FNBP1: variants seen among roughly 807,000 people sequenced by gnomAD.
FNBP1 encodes the protein formin binding protein 1.
In FNBP1, 26 loss-of-function variants were observed where a neutral mutation model predicts 90.6. That is an observed-to-expected ratio of 0.29 (90% CI 0.21 to 0.40). The LOEUF (loss-of-function observed/expected upper bound fraction) is 0.40. Among genes scored for constraint, FNBP1 ranks in the 10% least tolerant of loss-of-function variants. The pLI is 1.00. For missense variants in FNBP1, 635 were observed against 768.0 expected, an observed-to-expected ratio of 0.83 and a Z score of 2.05; for synonymous variants, 260 against 265.2, an observed-to-expected ratio of 0.98 and a Z score of 0.19.
intron 13 of FNBP1, among the ~76,000 whole-genome samples, 163 bp downstream of exon 13, chr9:129,902,706 C>T (rs1379466472): frequency 5.9e-5 from 9 of 152,156 alleles, no homozygotes; most frequent in South Asian, 2.1e-4. Flanking sequence ...GAATGTTCAA[C>T]GGCGAAGAGT....
chr9:130,044,332 G>A (rs571618371), upstream of FNBP1, among the ~76,000 whole-genome samples: 1 of 152,292 alleles, frequency 6.6e-6, no homozygotes, highest in South Asian at 2.1e-4. Context: ...TCCATTAAAA[G>A]GTGGAGCTAA....
At chr9:129,936,301 T>C (rs2043451604) in intron 6 of FNBP1, 1 of 152,140 alleles carries the variant, frequency 6.6e-6, no homozygotes, top group South Asian at 2.1e-4. Context: ...TCAATCTAGA[T>C]TTTATTCCCT....
At chr9:129,911,077 G>A (rs1054178165) in intron 11 of FNBP1, among the ~76,000 whole-genome samples, 4 of 152,166 alleles carry the variant, frequency 2.6e-5, no homozygotes, top group African/African-American at 9.6e-5. Flanking sequence ...GGTCAGGCTG[G>A]TCTCGAACTC....
chr9:129,964,300 T>G (rs866311729), intron 4 of FNBP1, among the ~76,000 whole-genome samples: 26 of 152,136 alleles, frequency 1.7e-4, no homozygotes, highest in Admixed American at 2.0e-4. Flanking sequence ...AGCCATAGAA[T>G]GAAGTCATCA....
chr9:130,034,622 C>A (rs1429479799), intron 1 of FNBP1, among the ~76,000 whole-genome samples: 1 of 152,224 alleles, frequency 6.6e-6, no homozygotes, highest in African/African-American at 2.4e-5. Flanking sequence ...GAAACAATAA[C>A]TGGCTTTGAA....
At chr9:129,982,533 A>C (rs546373270) in intron 2 of FNBP1, among the ~76,000 whole-genome samples, 80 of 152,348 alleles carry the variant, frequency 5.3e-4, no homozygotes, top group African/African-American at 1.9e-3. Flanking sequence ...AGATGACTAC[A>C]TAATCAATGG....
At position 130,026,001 on chromosome 9, in the gene FNBP1, T is replaced by C. The variant is rs548599679; in HGVS notation, c.24+16951A>G. Among the ~76,000 whole-genome samples the C allele has an allele frequency of 9.2e-5, 14 of 152,236 alleles. No individual in the cohort carries two copies. The South Asian group carries it at 2.9e-3, about 32-fold the overall frequency. On this transcript the variant is annotated intron_variant, in intron 1 of 16. Transcript: ENST00000446176. Reference sequence around the variant, plus strand: ...GGAGGTGGATAATGATAGCCAACACTAGTAGAGTTTATTTCGCATATAATC... The same window carrying C: ...GGAGGTGGATAATGATAGCCAACACCAGTAGAGTTTATTTCGCATATAATC...
intron 6 of FNBP1, among the ~76,000 whole-genome samples, chr9:129,944,242 C>T (rs1161187309): frequency 2.6e-5 from 4 of 151,748 alleles, no homozygotes; most frequent in Non-Finnish European, 4.4e-5. Context: ...GCCCAGAATG[C>T]CTAGAATGTT....
rs2132468787 is a variant in FNBP1, at chr9:130,042,426, C to T, written c.24+526G>A. 6.6e-6 allele frequency among the ~76,000 whole-genome samples: 1 copy of T among 152,214 alleles called. No homozygotes were observed. Among genetic ancestry groups the T allele is most frequent in the African/African-American group, 2.4e-5 (1 of 41,566 alleles). On this transcript the variant is annotated intron_variant, in intron 1 of 16. Coordinates refer to ENST00000446176, the MANE Select transcript of FNBP1 (RefSeq NM_015033.3). This position sits in a 1 kb window ranked among gnomAD's most constrained non-coding sequence, Gnocchi z 5.5. ...CCTCGCCTCCAGAGCGAAGACCGCA[C>T]TCTCGCCCCAGCACCCCAAAACCCG...
chr9:129,984,892 TC>T (rs1333286152), intron 2 of FNBP1, among the ~76,000 whole-genome samples: 6 of 152,056 alleles, frequency 3.9e-5, no homozygotes, highest in African/African-American at 1.4e-4. Flanking sequence ...TTCTGAGGCC[TC>T]CCCAGCCATG....
chr9:129,958,985 C>CTAAAAAAAAAAAAAAAAAA (rs2047365015), intron 4 of FNBP1, among the ~76,000 whole-genome samples: 1 of 9,154 alleles, frequency 1.1e-4, no homozygotes, highest in Non-Finnish European at 1.9e-4. Flanking sequence ...AACTCTGCCT[C>CTAAAAAAAAAAAAAAAAAA]AAAAAAAAAA....
intron 4 of FNBP1, among the ~76,000 whole-genome samples, chr9:129,960,293 C>T (rs776505328): frequency 6.8e-6 from 1 of 146,832 alleles, no homozygotes; most frequent in Non-Finnish European, 1.5e-5. Flanking sequence ...AGGATAATTG[C>T]TTAAAACCTA....
intron 5 of FNBP1, 70 bp downstream of exon 5, chr9:129,958,421 G>T: frequency 3.3e-6 from 4 of 1,196,078 alleles, no homozygotes; most frequent in Non-Finnish European, 3.5e-6. Context: ...AACAGAGGGA[G>T]CCTCCGTCTC....
chr9:129,979,960 T>C (rs958807340), intron 2 of FNBP1, among the ~76,000 whole-genome samples: 1 of 152,022 alleles, frequency 6.6e-6, no homozygotes, highest in Non-Finnish European at 1.5e-5. Flanking sequence ...GGCTTTCATT[T>C]GTAGCACTGA....
intron 4 of FNBP1, 116 bp downstream of exon 4, chr9:129,978,349 G>T: frequency 1.1e-6 from 1 of 872,616 alleles, no homozygotes; most frequent in Non-Finnish European, 1.7e-6. Context: ...GATTCTCAAA[G>T]GTATGAGTTT....
In FNBP1 at chr9:129,900,697, T is replaced by C. The variant is rs941595170; in HGVS notation, c.1429-150A>G. On this transcript the variant is annotated intron_variant, in intron 13 of 16. Coordinates refer to ENST00000446176, the MANE Select transcript of FNBP1 (RefSeq NM_015033.3). The surrounding 1 kb of genome is among the most constrained non-coding windows in gnomAD (Gnocchi z 4.1). ...CTACTCTTGGCCATTTAACCCAATG[T>C]GAGGAAGTCCACGTGGGGGCAGAAT... 9 of 806,168 alleles carry C rather than the reference T, an allele frequency of 1.1e-5. No homozygotes were observed. Among genetic ancestry groups the C allele is most frequent in the Non-Finnish European group, 1.5e-5 (9 of 586,374 alleles). The allele number at this position is 806,168 out of a possible 1,614,324, so 49.9% of individuals were successfully genotyped here.
intron 8 of FNBP1, 103 bp downstream of exon 8, chr9:129,927,092 C>A: frequency 8.4e-7 from 1 of 1,192,230 alleles, no homozygotes. Context: ...CCAAAAGCAA[C>A]CATCCACCAT....
intron 1 of FNBP1, among the ~76,000 whole-genome samples, chr9:130,000,044 A>T (rs2054597665): frequency 6.6e-6 from 1 of 152,240 alleles, no homozygotes; most frequent in Admixed American, 6.5e-5. Flanking sequence ...TTGACAAATC[A>T]TAGCTTCTCA....
chr9:129,934,728 C>T (rs1018542955), intron 6 of FNBP1, among the ~76,000 whole-genome samples: 6 of 152,044 alleles, frequency 3.9e-5, no homozygotes, highest in South Asian at 2.1e-4. Flanking sequence ...CCCGCCACCA[C>T]GCCCGGCTAA....
Sources: allele counts gnomAD v4.1 joint callset (sites outside exome capture counted in the v4.1 genomes callset), GRCh38; gene constraint gnomAD v4.1.1; non-coding constraint Gnocchi (gnomAD v3.1); transcripts MANE v1.5; gene names NCBI Gene and HGNC (gene_info 2026-07-23, HGNC 2026-07-21).